The following ARID1B variants were observed in gnomAD, a reference collection of about 807,000 sequenced individuals.
ARID1B encodes AT-rich interactive domain-containing protein 1B.
A neutral mutation model predicts 212.3 loss-of-function variants in ARID1B; 30 were observed. The observed-to-expected ratio is 0.14, with a 90% confidence interval of 0.11 to 0.19. The LOEUF (loss-of-function observed/expected upper bound fraction) is 0.19, where lower values mean the gene tolerates loss of function less well. Ranked by LOEUF, ARID1B falls within the 10% of genes least tolerant of loss-of-function variation. The pLI is 1.00. For missense variants in ARID1B, 2,891 were observed against 3,204.0 expected, an observed-to-expected ratio of 0.90 and a Z score of 2.36; for synonymous variants, 1,402 against 1,301.7, an observed-to-expected ratio of 1.08 and a Z score of -1.66.
chr6:156,825,847 A>G (rs1181493975), intron 1 of ARID1B, among the ~76,000 whole-genome samples: 1 of 152,214 alleles, frequency 6.6e-6, no homozygotes, highest in African/African-American at 2.4e-5. Context: ...TACTTCCATA[A>G]AAAGTTTTAC....
At chr6:156,923,663 C>T (rs1340001777) in intron 3 of ARID1B, among the ~76,000 whole-genome samples, 1 of 151,688 alleles carries the variant, frequency 6.6e-6, no homozygotes, top group African/African-American at 2.4e-5. Flanking sequence ...ACACTGTCCT[C>T]AGCATCATGG....
chr6:157,095,288 G>A (rs906373864), intron 5 of ARID1B, among the ~76,000 whole-genome samples: 9 of 152,310 alleles, frequency 5.9e-5, no homozygotes, highest in South Asian at 4.1e-4. Flanking sequence ...GGAAAGGACC[G>A]GTGCTGGCCC....
intron 5 of ARID1B, among the ~76,000 whole-genome samples, chr6:157,088,246 G>T (rs1412638460): frequency 6.6e-6 from 1 of 152,170 alleles, no homozygotes; most frequent in Non-Finnish European, 1.5e-5. Flanking sequence ...ATACAGAGGA[G>T]CCAGGTTACC....
At chr6:156,798,441 C>T (rs1271186178) in intron 1 of ARID1B, among the ~76,000 whole-genome samples, 3 of 152,238 alleles carry the variant, frequency 2.0e-5, no homozygotes, top group Non-Finnish European at 4.4e-5. Context: ...TCTAAGGTAA[C>T]GTACAACGAA....
intron 2 of ARID1B, among the ~76,000 whole-genome samples, chr6:156,834,973 G>A (rs774428250): frequency 5.3e-5 from 8 of 152,152 alleles, no homozygotes; most frequent in African/African-American, 9.7e-5. Flanking sequence ...GGTGGCTCAC[G>A]CCTGTAATCC....
chr6:156,860,313 C>A (rs1216904190), intron 2 of ARID1B, among the ~76,000 whole-genome samples: 1 of 149,782 alleles, frequency 6.7e-6, no homozygotes, highest in Non-Finnish European at 1.5e-5. Flanking sequence ...TTGAATTGTT[C>A]ACATAACTTA....
intron 6 of ARID1B, among the ~76,000 whole-genome samples, chr6:157,112,206 A>G (rs1364111481): frequency 6.6e-6 from 1 of 152,192 alleles, no homozygotes; most frequent in African/African-American, 2.4e-5. Context: ...GTTTCCCTAA[A>G]TTCTCTACTG....
intron 19 of ARID1B, 128 bp downstream of exon 19, chr6:157,204,124 G>A: frequency 1.7e-6 from 2 of 1,209,958 alleles, no homozygotes; most frequent in Non-Finnish European, 2.4e-6. Context: ...CACTGCAGTT[G>A]TTATCAACCA....
intron 3 of ARID1B, among the ~76,000 whole-genome samples, chr6:156,931,083 G>A (rs1054693263): frequency 4.6e-5 from 7 of 151,478 alleles, no homozygotes; most frequent in East Asian, 1.9e-4. Flanking sequence ...CCAGCTACTC[G>A]GGAGGCTGAG....
chr6:156,899,495 C>G (rs1381370823), intron 2 of ARID1B, among the ~76,000 whole-genome samples: 1 of 152,084 alleles, frequency 6.6e-6, no homozygotes, highest in African/African-American at 2.4e-5. Context: ...AAAAGGATAG[C>G]AAATTGGTTT....
chr6:157,119,539 A>C (rs74428693), intron 6 of ARID1B: 8,441 of 154,070 alleles, frequency 0.055, 355 homozygotes, highest in Non-Finnish European at 0.085. Context: ...ATCCCACCTC[A>C]GCTGCACCCC....
intron 4 of ARID1B, among the ~76,000 whole-genome samples, chr6:157,000,696 C>CTTTTTTTTTTTTTTTTTTTTTT (rs10536002): frequency 9.1e-5 from 9 of 99,206 alleles, no homozygotes; most frequent in Non-Finnish European, 1.4e-4. Flanking sequence ...TCTAATTATT[C>CTTTTTTTTTTTTTTTTTTTTTT]TTTTTTTTTT....
At chr6:156,927,182 A>T (rs964110394) in intron 3 of ARID1B, among the ~76,000 whole-genome samples, 7 of 152,198 alleles carry the variant, frequency 4.6e-5, no homozygotes, top group Non-Finnish European at 7.3e-5. Flanking sequence ...TTGAATCAGG[A>T]TCCAAATAAA....
Position 156,779,009 on chromosome 6 carries a change from C to T in ARID1B, c.1329C>T (p.Gly443=), listed in dbSNP as rs1027471728. The T allele has an allele frequency of 1.0e-5, 13 of 1,263,510 alleles. No individual in the cohort carries two copies. The highest frequency in any genetic ancestry group is 1.6e-5 in the African/African-American group (1 of 62,174). 78.3% of individuals were successfully genotyped at this position (1,263,510 alleles called of 1,614,324 possible). The change falls in exon 1 of 20, where the codon GGC becomes GGT. Residue 443 remains glycine, a synonymous_variant. Coordinates refer to ENST00000636930, the MANE Select transcript of ARID1B (RefSeq NM_001374828.1). ...AGGGGGGGYG[G]SSAGYGVLSS... is the part of the protein sequence containing the mutation. The stretch of plus-strand genomic sequence containing the variant: ...GCGGCGGCGGCGGCGGCTATGGGGG[C>T]TCGTCCGCGGGGTACGGGGTGCTGA...
chr6:157,102,416 G>A (rs1387857456), intron 5 of ARID1B, among the ~76,000 whole-genome samples: 1 of 152,122 alleles, frequency 6.6e-6, no homozygotes, highest in Non-Finnish European at 1.5e-5. Flanking sequence ...CCTGCATTAA[G>A]TGCTAAGGAA....
At chr6:156,981,949 T>A (rs62422642) in intron 4 of ARID1B, among the ~76,000 whole-genome samples, 39,856 of 151,896 alleles carry the variant, frequency 0.26, 5,628 homozygotes, top group Non-Finnish European at 0.31. Flanking sequence ...CCTTCTGGAT[T>A]TCCATAGTCT....
chr6:156,848,483 T>G (rs958806872), intron 2 of ARID1B, among the ~76,000 whole-genome samples: 4 of 152,240 alleles, frequency 2.6e-5, no homozygotes, highest in Admixed American at 2.6e-4. Context: ...AAATGAAGTA[T>G]CTACCCACTT....
At chr6:157,095,074 T>C (rs866581168) in intron 5 of ARID1B, among the ~76,000 whole-genome samples, 4 of 152,202 alleles carry the variant, frequency 2.6e-5, no homozygotes, top group Non-Finnish European at 1.5e-5. Context: ...TGTGAGGCTT[T>C]AGGGTTCAGG....
chr6:157,203,229 G>C lies in ARID1B; in HGVS notation c.5264-637G>C, dbSNP rs551636095. Among the ~76,000 whole-genome samples, 1 of 152,202 alleles carries C rather than the reference G, an allele frequency of 6.6e-6. No individual in the cohort carries two copies. Among genetic ancestry groups the C allele is most frequent in the Admixed American group, 6.5e-5 (1 of 15,296 alleles). On this transcript the variant is annotated intron_variant, in intron 18 of 19. Transcript: ENST00000636930. This position sits in a 1 kb window ranked among gnomAD's most constrained non-coding sequence, Gnocchi z 4.4. ...CCTGATCATTTTGTTTCCTTCAGTA[G>C]CAGGAATAGGGAAAACAACAAATTA...
Sources: allele counts gnomAD v4.1 joint callset (sites outside exome capture counted in the v4.1 genomes callset), GRCh38; gene constraint gnomAD v4.1.1; non-coding constraint Gnocchi (gnomAD v3.1); transcripts MANE v1.5; gene names NCBI Gene and HGNC (gene_info 2026-07-23, HGNC 2026-07-21).